Variants in EVC observed in about 807,000 individuals in gnomAD.
EVC encodes the protein EvC ciliary complex subunit 1, also known as evC complex member EVC.
EVC carries 116 observed loss-of-function variants against 118.9 expected under a neutral mutation model. The observed-to-expected ratio is 0.98, with a 90% CI of 0.84 to 1.14. The LOEUF is 1.14. EVC is among the 50% of genes most tolerant of loss of function. The pLI is 0.00. For synonymous variants in EVC, 619 were observed against 534.7 expected, an observed-to-expected ratio of 1.16 and a Z score of -2.18; for missense variants, 1,401 against 1,246.4, an observed-to-expected ratio of 1.12 and a Z score of -1.87.
At chr4:5,740,739 G>T (rs1032003609) in intron 5 of EVC, among the ~76,000 whole-genome samples, 1 of 152,158 alleles carries the variant, frequency 6.6e-6, no homozygotes, top group African/African-American at 2.4e-5. Context: ...TCCAAACTCA[G>T]CTGAAGACAG....
At position 5,743,765 on chromosome 4, in the gene EVC, G is replaced by C. The variant is rs953776111; in HGVS notation, c.802-1439G>C. On this transcript the variant is annotated intron_variant, in intron 6 of 20. Transcript: ENST00000264956. The surrounding 1 kb of genome is among the most constrained non-coding windows in gnomAD (Gnocchi z 4.7). Reference sequence around the variant, plus strand: ...ATGGTCCTCAGGCAGTGCACGTCGTGCTTGACATACATTATTTCATTTAAT... The same window carrying C: ...ATGGTCCTCAGGCAGTGCACGTCGTCCTTGACATACATTATTTCATTTAAT... Among the ~76,000 whole-genome samples, 1 of 152,172 alleles carries C rather than the reference G, an allele frequency of 6.6e-6. No individual in the cohort carries two copies. Among genetic ancestry groups the C allele is most frequent in the Non-Finnish European group, 1.5e-5 (1 of 68,040 alleles).
chr4:5,759,199 G>A (rs943433956), intron 11 of EVC, among the ~76,000 whole-genome samples: 3 of 152,276 alleles, frequency 2.0e-5, no homozygotes, highest in Admixed American at 6.5e-5. Context: ...ATGGCGCAGA[G>A]GGTCAGTCTG....
chr4:5,729,379 C>T lies in EVC; in HGVS notation c.373C>T (p.Gln125Ter). 1.2e-6 allele frequency: 2 copies of T among 1,614,112 alleles called. No homozygotes were observed. The highest frequency in any genetic ancestry group is 1.7e-6 in the Non-Finnish European group (2 of 1,180,002). ...LKAKVIYPIN[Q>*]KFRPLADGSS... The stretch of plus-strand genomic sequence containing the variant: ...GGCCAAAGTCATCTACCCCATCAAT[C>T]AGAAGTTCCGGGTGAGAGTCCTGAG... The change falls in exon 3 of 21, where the codon CAG becomes TAG. Residue 125 changes from glutamine (Q) to a stop codon, truncating the protein, a stop_gained. Transcript: ENST00000264956. LOFTEE classifies it high-confidence loss of function.
intron 13 of EVC, among the ~76,000 whole-genome samples, chr4:5,796,143 T>C (rs1346179629): frequency 9.9e-5 from 15 of 152,232 alleles, no homozygotes; most frequent in Non-Finnish European, 2.2e-4. Flanking sequence ...AGTTCTAGGA[T>C]GTCCATTTGA....
rs752147756 is a variant in EVC, at chr4:5,801,931, C to T, written c.2305-19C>T. ...CGTGTGACTTCTCTGCTGTCCCTGT[C>T]CTTCCTTTCTTCCCTCAGAGGACAC... On this transcript the variant is annotated intron_variant, in intron 15 of 20. Coordinates refer to ENST00000264956, the MANE Select transcript of EVC (RefSeq NM_153717.3). 3 of 1,612,012 alleles carry T rather than the reference C, an allele frequency of 1.9e-6. No homozygotes were observed. The highest frequency in any genetic ancestry group is 2.2e-5 in the East Asian group (1 of 44,850).
the EVC span, among the ~76,000 whole-genome samples, chr4:5,827,401 T>C: frequency 6.6e-6 from 1 of 152,176 alleles, no homozygotes; most frequent in Non-Finnish European, 1.5e-5. Flanking sequence ...TCTGTGCGAC[T>C]TGGTGTCTTT....
intron 12 of EVC, among the ~76,000 whole-genome samples, chr4:5,792,605 T>C (rs1336756242): frequency 1.3e-5 from 2 of 152,202 alleles, no homozygotes; most frequent in Non-Finnish European, 2.9e-5. Flanking sequence ...CACAGTCAGT[T>C]AGGATGAGCA....
Position 5,743,176 on chromosome 4 carries a change from C to G in EVC, c.801+1362C>G, listed in dbSNP as rs1215430027. On this transcript the variant is annotated intron_variant, in intron 6 of 20. Transcript: ENST00000264956. The surrounding 1 kb of genome is among the most constrained non-coding windows in gnomAD (Gnocchi z 4.7). ...GGTGGGAGTGTCTTATGCTAATGAG[C>G]AATGAGGGCAGCAAGGGATCACTTT... Among the ~76,000 whole-genome samples the G allele has an allele frequency of 6.6e-6, 1 of 152,088 alleles. No homozygotes were observed. The highest frequency in any genetic ancestry group is 6.5e-5 in the Admixed American group (1 of 15,270).
chr4:5,749,314 A>G lies in EVC; in HGVS notation c.1098+1008A>G, dbSNP rs1477892589. On this transcript the variant is annotated intron_variant, in intron 8 of 20. Coordinates refer to ENST00000264956, the MANE Select transcript of EVC (RefSeq NM_153717.3). The surrounding 1 kb of genome is among the most constrained non-coding windows in gnomAD (Gnocchi z 4.4). ...TTGTCTTAGGCCACACATAAAATAC[A>G]TTAACACTAACGATAGCTGATGAGC... is the stretch of plus-strand genomic sequence containing the variant. Among the ~76,000 whole-genome samples, 1 of 149,156 alleles carries G rather than the reference A, an allele frequency of 6.7e-6. No individual in the cohort carries two copies. Among genetic ancestry groups the G allele is most frequent in the Non-Finnish European group, 1.5e-5 (1 of 67,776 alleles).
intron 10 of EVC, 48 bp downstream of exon 10, chr4:5,753,981 C>T (rs1430961507): frequency 6.2e-7 from 1 of 1,611,100 alleles, no homozygotes; most frequent in South Asian, 1.1e-5. Flanking sequence ...CCAGTTGTAG[C>T]TCTGTTCCCG....
In EVC at chr4:5,798,482, C is replaced by T; in HGVS notation, c.2098-104C>T. 8.1e-7 allele frequency: 1 copy of T among 1,229,326 alleles called. No homozygotes were observed. 76.2% of individuals were successfully genotyped at this position (1,229,326 alleles called of 1,614,324 possible). On this transcript the variant is annotated intron_variant, in intron 14 of 20. Coordinates refer to ENST00000264956, the MANE Select transcript of EVC (RefSeq NM_153717.3). This position sits in a 1 kb window ranked among gnomAD's most constrained non-coding sequence, Gnocchi z 4.1. ...TTCTGCCCTTTCTCCATCCCTTTTC[C>T]AACCCCTGGGCCCTGGATAGGACCA...
chr4:5,782,389 ATTTTTTTTTTT>A (rs71171482), intron 11 of EVC, among the ~76,000 whole-genome samples: 1 of 78,568 alleles, frequency 1.3e-5, no homozygotes, highest in East Asian at 3.3e-4. Flanking sequence ...GTAAGGTTCC[ATTTTTTTTTTT>A]TTTTTTTTTT....
chr4:5,809,629 G>C lies in EVC; in HGVS notation c.2782+18G>C. On this transcript the variant is annotated intron_variant, in intron 19 of 20. Transcript: ENST00000264956. Reference sequence around the variant, plus strand: ...GCTGCTAGGTGAGTCACAGATGCTTGAGTTGCAGCGGGAAGCACTCTGGGC... The same window carrying C: ...GCTGCTAGGTGAGTCACAGATGCTTCAGTTGCAGCGGGAAGCACTCTGGGC... The C allele has an allele frequency of 6.2e-7, 1 of 1,610,530 alleles. No individual in the cohort carries two copies. The highest frequency in any genetic ancestry group is 8.5e-7 in the Non-Finnish European group (1 of 1,176,930).
At position 5,804,768 on chromosome 4, in the gene EVC, G is replaced by T. The variant is rs2152375194; in HGVS notation, c.2488G>T (p.Glu830Ter). 6.2e-7 allele frequency: 1 copy of T among 1,614,190 alleles called. No homozygotes were observed. The highest frequency in any genetic ancestry group is 1.1e-5 in the South Asian group (1 of 91,076). Residue 830 changes from glutamate to a stop codon, truncating the protein, a stop_gained, in exon 17 of 21, where the codon GAA (glutamate) becomes TAA (stop). Coordinates refer to ENST00000264956, the MANE Select transcript of EVC (RefSeq NM_153717.3). LOFTEE classifies it high-confidence loss of function. ...AAATTACAAACTGCGGAAAAAGCAA[G>T]AACTCAGCAACCCTTCGTCGGGCAG... ...MENYKLRKKQ[E>*]LSNPSSGSRT...
intron 11 of EVC, among the ~76,000 whole-genome samples, chr4:5,768,573 T>C (rs1733399097): frequency 6.6e-6 from 1 of 152,116 alleles, no homozygotes; most frequent in Admixed American, 6.5e-5. Context: ...AAATGTATTC[T>C]CGGCTGGGCA....
At position 5,797,029 on chromosome 4, in the gene EVC, C is replaced by T. The variant is rs368940435; in HGVS notation, c.1894C>T (p.Arg632Trp). 35 of 1,612,096 alleles carry T rather than the reference C, an allele frequency of 2.2e-5. No homozygotes were observed. The highest frequency in any genetic ancestry group is 2.8e-5 in the Non-Finnish European group (33 of 1,179,134). Reference protein sequence around the residue: ...RLGGLTEESTRCVLQGHDLLL... With the variant: ...RLGGLTEESTWCVLQGHDLLL... ...CACCTGCTTTCCTCAAAGGTCCACG[C>T]GGTGTGTCCTGCAGGGGCATGACCT... The change falls in exon 14 of 21, where the codon CGG (arginine) becomes TGG (tryptophan). Residue 632 changes from arginine (R) to tryptophan (W), a missense_variant. By Grantham distance (101) the Arg-to-Trp change is moderately radical. Transcript: ENST00000264956.
chr4:5,716,415 A>G lies in EVC; in HGVS notation c.175-2833A>G, dbSNP rs1723966301. On this transcript the variant is annotated intron_variant, in intron 1 of 20. Transcript: ENST00000264956. ...TGAAGGAAGAGAAGCTTTGTTTTAA[A>G]ATGTAGGTTCGGCAGAAAAGAACCT... is the stretch of plus-strand genomic sequence containing the variant. Among the ~76,000 whole-genome samples the G allele has an allele frequency of 2.0e-5, 3 of 152,294 alleles. 1 individual carries two copies. The highest frequency in any genetic ancestry group is 4.2e-4 in the South Asian group (2 of 4,818).
chr4:5,740,396 G>A (rs910527852), intron 5 of EVC, among the ~76,000 whole-genome samples: 12 of 151,124 alleles, frequency 7.9e-5, no homozygotes, highest in Admixed American at 6.6e-4. Flanking sequence ...GCTTGAACCC[G>A]GGAGGTGAAG....
chr4:5,716,950 GA>G (rs1724057904), intron 1 of EVC, among the ~76,000 whole-genome samples: 4 of 152,160 alleles, frequency 2.6e-5, no homozygotes, highest in Admixed American at 2.6e-4. Context: ...CCTAGTAAAT[GA>G]AATTGCACCA....
Sources: allele counts gnomAD v4.1 joint callset (sites outside exome capture counted in the v4.1 genomes callset), GRCh38; gene constraint gnomAD v4.1.1; non-coding constraint Gnocchi (gnomAD v3.1); transcripts MANE v1.5; gene names NCBI Gene and HGNC (gene_info 2026-07-23, HGNC 2026-07-21).